The following PAH variants were observed in gnomAD, a reference collection of about 807,000 sequenced individuals.
The protein encoded by PAH is phenylalanine-4-hydroxylase.
PAH carries 64 observed loss-of-function variants against 62.0 expected under a neutral mutation model. That is an observed-to-expected ratio of 1.03 (90% confidence interval 0.84 to 1.27). PAH has a LOEUF of 1.27. Ranked by LOEUF, PAH falls within the 50% of genes most tolerant of loss-of-function variation. The pLI is 0.00. For missense variants in PAH, 579 were observed against 542.8 expected (o/e 1.07, Z -0.66); for synonymous variants, 195 against 196.2 (o/e 0.99, Z 0.05).
At chr12:102,907,992 A>G (rs1471920155) in intron 2 of PAH, among the ~76,000 whole-genome samples, 2 of 152,010 alleles carry the variant, frequency 1.3e-5, no homozygotes, top group Non-Finnish European at 2.9e-5. Context: ...GGCCTATACA[A>G]TTTATACAGC....
chr12:102,894,861 C>A lies in PAH; in HGVS notation c.226G>T (p.Glu76Ter), dbSNP rs762949770. The A allele has an allele frequency of 6.2e-7, 1 of 1,613,800 alleles. No individual in the cohort carries two copies. The change falls in exon 3 of 13, where the codon GAG becomes TAG. Residue 76 changes from glutamate (E) to a stop codon, truncating the protein, a stop_gained. Transcript: ENST00000553106. LOFTEE classifies it high-confidence loss of function. The stretch of plus-strand genomic sequence containing the variant: ...TCCAAATGGGTGAAAAATTCATACT[C>A]ATCTTTCTTTAAACGAGAAGGTCTA... ...ESRPSRLKKD[E>*]YEFFTHLDKR... is the part of the protein sequence containing the mutation.
At chr12:102,911,845 A>G (rs554908571) in intron 2 of PAH, among the ~76,000 whole-genome samples, 11 of 152,310 alleles carry the variant, frequency 7.2e-5, no homozygotes, top group Admixed American at 1.3e-4. Flanking sequence ...GCCCTGACCA[A>G]TGTGCTACCC....
intron 1 of PAH, among the ~76,000 whole-genome samples, chr12:102,947,187 A>ATG (rs142593696): frequency 9.2e-5 from 14 of 151,712 alleles, no homozygotes; most frequent in Admixed American, 3.3e-4. Flanking sequence ...GTGTGTGTAT[A>ATG]TGTGTGTGTG....
chr12:102,913,691 C>A, intron 1 of PAH: 2 of 652,838 alleles, frequency 3.1e-6, no homozygotes, highest in Non-Finnish European at 5.6e-6. Context: ...TCTGAGACAT[C>A]CAATTGTTGA....
chr12:102,884,548 G>C (rs1876952644), intron 3 of PAH, among the ~76,000 whole-genome samples: 1 of 152,162 alleles, frequency 6.6e-6, no homozygotes, highest in South Asian at 2.1e-4. Context: ...CTCTGGCTTT[G>C]CATCTGTGAA....
At chr12:102,861,591 T>A (rs957064730) in intron 5 of PAH, among the ~76,000 whole-genome samples, 6 of 152,156 alleles carry the variant, frequency 3.9e-5, no homozygotes, top group Non-Finnish European at 5.9e-5. Flanking sequence ...CAAATGTCCA[T>A]CAGTGATAGA....
At chr12:102,846,836 G>T in intron 9 of PAH, 59 bp downstream of exon 9, 1 of 1,438,354 alleles carries the variant, frequency 7.0e-7, no homozygotes, top group South Asian at 1.1e-5. Context: ...AAGTTTCAAA[G>T]ACCTGAGGGC....
At chr12:102,857,156 A>T (rs187010100) in intron 5 of PAH, among the ~76,000 whole-genome samples, 1 of 152,366 alleles carries the variant, frequency 6.6e-6, no homozygotes, top group African/African-American at 2.4e-5. Context: ...GCTGAAAACC[A>T]TGGCACGAGA....
At chr12:102,929,862 G>GAT (rs1303583084) in intron 1 of PAH, among the ~76,000 whole-genome samples, 1 of 152,124 alleles carries the variant, frequency 6.6e-6, no homozygotes, top group African/African-American at 2.4e-5. Flanking sequence ...TAAGTAGATG[G>GAT]AGAGAATGCC....
intron 11 of PAH, among the ~76,000 whole-genome samples, chr12:102,843,249 T>C (rs977924943): frequency 6.6e-5 from 10 of 151,998 alleles, no homozygotes; most frequent in African/African-American, 1.9e-4. Context: ...GAGAAAGACA[T>C]ATAGAGATTA....
intron 5 of PAH, among the ~76,000 whole-genome samples, chr12:102,865,846 TCAAAGTACTATGC>T (rs1875933479): frequency 6.6e-6 from 1 of 152,198 alleles, no homozygotes; most frequent in African/African-American, 2.4e-5. Context: ...ATCAAAGCTG[TCAAAGTACTATGC>T]CATGAGCATT....
chr12:102,943,112 A>G (rs962893781), intron 1 of PAH, among the ~76,000 whole-genome samples: 2 of 152,184 alleles, frequency 1.3e-5, no homozygotes, highest in Admixed American at 6.5e-5. Context: ...ACAGCAAAAT[A>G]AAGTATCAAT....
rs149561820 is a variant in PAH, at chr12:102,870,461, G to A, written c.442-3798C>T. Among the ~76,000 whole-genome samples, 603 of 152,140 alleles carry A rather than the reference G, an allele frequency of 4.0e-3. 3 individuals are homozygous for A. The highest frequency in any genetic ancestry group is 0.013 in the African/African-American group (558 of 41,486). On this transcript the variant is annotated intron_variant, in intron 4 of 12. Coordinates refer to ENST00000553106, the MANE Select transcript of PAH (RefSeq NM_000277.3). Reference sequence around the variant, plus strand: ...TGTACAGTTTAAGTCAGGTAATGTCGGCAGCACATTAAGCAAAATTCTGAG... The same window carrying A: ...TGTACAGTTTAAGTCAGGTAATGTCAGCAGCACATTAAGCAAAATTCTGAG...
At chr12:102,839,376 T>C (rs922256004) in intron 12 of PAH, among the ~76,000 whole-genome samples, 158 bp from the exon 13 acceptor site, 1 of 152,250 alleles carries the variant, frequency 6.6e-6, no homozygotes, top group African/African-American at 2.4e-5. Flanking sequence ...ATGGTATAAG[T>C]ACTTGCATGT....
intron 5 of PAH, among the ~76,000 whole-genome samples, chr12:102,862,423 G>C (rs899027625): frequency 1.3e-5 from 2 of 152,054 alleles, no homozygotes; most frequent in East Asian, 1.9e-4. Flanking sequence ...GGAGGGAGAG[G>C]ATCAGGAAAA....
chr12:102,947,161 C>T (rs1435701777), intron 1 of PAH, among the ~76,000 whole-genome samples: 2 of 151,780 alleles, frequency 1.3e-5, no homozygotes, highest in Non-Finnish European at 2.9e-5. Flanking sequence ...TATATACATA[C>T]TAAATGTGTG....
At chr12:102,897,633 T>C (rs1877568092) in intron 2 of PAH, among the ~76,000 whole-genome samples, 1 of 152,088 alleles carries the variant, frequency 6.6e-6, no homozygotes, top group Admixed American at 6.6e-5. Context: ...TGATGCATTA[T>C]CAGAAAAAAG....
chr12:102,912,769 C>A, intron 2 of PAH, 22 bp downstream of exon 2: 1 of 1,493,214 alleles, frequency 6.7e-7, no homozygotes, highest in Non-Finnish European at 9.3e-7. Flanking sequence ...TTATCCAAGA[C>A]AAACATGATT....
chr12:102,908,718 G>T lies in PAH; in HGVS notation c.168+4073C>A, dbSNP rs563237132. The stretch of plus-strand genomic sequence containing the variant: ...AGGTTACAATTAATGAACCAATATT[G>T]ATGCACGTTATAAACGAAAGACCAT... On this transcript the variant is annotated intron_variant, in intron 2 of 12. Coordinates refer to ENST00000553106, the MANE Select transcript of PAH (RefSeq NM_000277.3). Among the ~76,000 whole-genome samples the T allele has an allele frequency of 6.6e-5, 10 of 152,092 alleles. No individual in the cohort carries two copies. In the South Asian group the frequency reaches 2.1e-3, roughly 32 times the overall value.
Sources: allele counts gnomAD v4.1 joint callset (sites outside exome capture counted in the v4.1 genomes callset), GRCh38; gene constraint gnomAD v4.1.1; transcripts MANE v1.5; gene names NCBI Gene and HGNC (gene_info 2026-07-23, HGNC 2026-07-21).